Variants in EPB41L5 observed in about 807,000 individuals in gnomAD.
The protein encoded by EPB41L5 is band 4.1-like protein 5.
Under a neutral mutation model 106.6 loss-of-function variants are expected in EPB41L5, and 55 were observed. That is an observed-to-expected ratio of 0.52 (90% CI 0.42 to 0.65). The LOEUF is 0.65. Ranked by LOEUF, EPB41L5 falls within the 30% of genes least tolerant of loss-of-function variation. The pLI, the probability that EPB41L5 is intolerant of heterozygous loss-of-function variation, is 0.00. For synonymous variants in EPB41L5, 297 were observed against 306.7 expected, an observed-to-expected ratio of 0.97 and a Z score of 0.33; for missense variants, 871 against 882.1, an observed-to-expected ratio of 0.99 and a Z score of 0.16.
intron 10 of EPB41L5, among the ~76,000 whole-genome samples, chr2:120,086,889 A>G (rs1292061176): frequency 6.6e-6 from 1 of 152,186 alleles, no homozygotes; most frequent in Non-Finnish European, 1.5e-5. Flanking sequence ...AGAATCTCTT[A>G]CACCATAATC....
intron 16 of EPB41L5, among the ~76,000 whole-genome samples, chr2:120,112,315 T>C (rs1056328484): frequency 1.3e-5 from 2 of 152,224 alleles, no homozygotes; most frequent in Non-Finnish European, 2.9e-5. Context: ...TTCAACAGAA[T>C]GTACGCTCCG....
At chr2:120,071,497 C>A (rs1014251019) in intron 3 of EPB41L5, among the ~76,000 whole-genome samples, 1 of 152,144 alleles carries the variant, frequency 6.6e-6, no homozygotes, top group Non-Finnish European at 1.5e-5. Flanking sequence ...AAGAACGAAG[C>A]CGGAGGCATC....
intron 3 of EPB41L5, among the ~76,000 whole-genome samples, chr2:120,052,569 T>C (rs907447927): frequency 6.6e-6 from 1 of 152,240 alleles, no homozygotes; most frequent in African/African-American, 2.4e-5. Flanking sequence ...TTCAATGGGT[T>C]ATATCTGTTA....
chr2:120,093,704 T>C lies in EPB41L5; in HGVS notation c.1178+428T>C, dbSNP rs971609685. Reference sequence around the variant, plus strand: ...GGATTTCATTAGCCTGGTATGTTTTTGGATTTGTGTGTCTATTCATCAGAA... The same window carrying C: ...GGATTTCATTAGCCTGGTATGTTTTCGGATTTGTGTGTCTATTCATCAGAA... On this transcript the variant is annotated intron_variant, in intron 14 of 24. Coordinates refer to ENST00000263713, the MANE Select transcript of EPB41L5 (RefSeq NM_020909.4). Among the ~76,000 whole-genome samples, 7 of 152,218 alleles carry C rather than the reference T, an allele frequency of 4.6e-5. No homozygotes were observed. The South Asian group carries it at 1.4e-3, about 31-fold the overall frequency.
chr2:120,070,624 G>A (rs1173818837), intron 3 of EPB41L5, among the ~76,000 whole-genome samples: 2 of 152,122 alleles, frequency 1.3e-5, no homozygotes, highest in Non-Finnish European at 2.9e-5. Context: ...CGGCACATCA[G>A]AAAGCTCATC....
intron 10 of EPB41L5, among the ~76,000 whole-genome samples, chr2:120,085,969 G>A (rs1683027133): frequency 6.6e-6 from 1 of 152,188 alleles, no homozygotes; most frequent in African/African-American, 2.4e-5. Flanking sequence ...CACCAAGGCA[G>A]GGGCTCACCT....
chr2:120,114,938 C>G (rs957522800), intron 16 of EPB41L5, among the ~76,000 whole-genome samples: 7 of 152,088 alleles, frequency 4.6e-5, no homozygotes, highest in African/African-American at 1.7e-4. Context: ...TGTTTGGGTA[C>G]TCTGGTTTTA....
chr2:120,128,499 T>G (rs1159449943), intron 17 of EPB41L5, among the ~76,000 whole-genome samples: 1 of 152,214 alleles, frequency 6.6e-6, no homozygotes, highest in Non-Finnish European at 1.5e-5. Flanking sequence ...GCCACCATCA[T>G]TAAACAACTC....
intron 1 of EPB41L5, among the ~76,000 whole-genome samples, chr2:120,018,165 C>T (rs982394403): frequency 3.3e-5 from 5 of 151,772 alleles, no homozygotes; most frequent in African/African-American, 1.2e-4. Flanking sequence ...GACGGGGTTT[C>T]ACCATGTTAG....
At chr2:120,076,470 C>CT (rs35333671) in intron 7 of EPB41L5, among the ~76,000 whole-genome samples, 31,648 of 58,764 alleles carry the variant, frequency 0.54, 11,572 homozygotes, top group Non-Finnish European at 0.61. Context: ...AATTTTTGTA[C>CT]TTTTTTTTTT....
At chr2:120,148,128 A>G (rs776388007) in intron 20 of EPB41L5, among the ~76,000 whole-genome samples, 1 of 152,192 alleles carries the variant, frequency 6.6e-6, no homozygotes, top group Admixed American at 6.5e-5. Flanking sequence ...ACATTTTACC[A>G]TAATAGATTT....
At chr2:120,124,875 T>A (rs1685390093) in intron 16 of EPB41L5, among the ~76,000 whole-genome samples, 1 of 152,206 alleles carries the variant, frequency 6.6e-6, no homozygotes, top group African/African-American at 2.4e-5. Context: ...TTTTTCGTGA[T>A]GAGATTGAGG....
At position 120,061,508 on chromosome 2, in the gene EPB41L5, C is replaced by T. The variant is rs193281167; in HGVS notation, c.286-11670C>T. Among the ~76,000 whole-genome samples, 361 of 152,180 alleles carry T rather than the reference C, an allele frequency of 2.4e-3. 4 individuals are homozygous for T. Among genetic ancestry groups the T allele is most frequent in the African/African-American group, 8.2e-3 (340 of 41,530 alleles). On this transcript the variant is annotated intron_variant, in intron 3 of 24. Coordinates refer to ENST00000263713, the MANE Select transcript of EPB41L5 (RefSeq NM_020909.4). The stretch of plus-strand genomic sequence containing the variant: ...AAAGTGCTGGGATTACAGGCGTGAG[C>T]CACCGCGCCCGGCCTTTTTTTTTAA...
At chr2:120,021,025 T>C (rs1185729868) in intron 2 of EPB41L5, among the ~76,000 whole-genome samples, 1 of 152,104 alleles carries the variant, frequency 6.6e-6, no homozygotes, top group Non-Finnish European at 1.5e-5. Flanking sequence ...GCTGGAGATA[T>C]AGATTGGACT....
At chr2:120,018,686 G>T (rs1167463422) in intron 1 of EPB41L5, among the ~76,000 whole-genome samples, 27 of 150,832 alleles carry the variant, frequency 1.8e-4, no homozygotes, top group Non-Finnish European at 2.5e-4. Context: ...TTGCTCTGTT[G>T]CCTGAGCTGG....
intron 18 of EPB41L5, 37 bp from the exon 19 acceptor site, chr2:120,142,966 A>G (rs368082337): frequency 1.2e-4 from 184 of 1,573,212 alleles, no homozygotes; most frequent in Non-Finnish European, 1.5e-4. Flanking sequence ...ACTATAGTGC[A>G]TCAGAGTTGA....
intron 16 of EPB41L5, among the ~76,000 whole-genome samples, chr2:120,111,939 G>T (rs1050475656): frequency 6.6e-6 from 1 of 152,078 alleles, no homozygotes; most frequent in Non-Finnish European, 1.5e-5. Context: ...TACCAAGCAT[G>T]TTCTCTCAGG....
At chr2:120,102,637 G>A (rs912252312) in intron 16 of EPB41L5, among the ~76,000 whole-genome samples, 24 of 152,098 alleles carry the variant, frequency 1.6e-4, no homozygotes, top group Admixed American at 1.3e-3. Flanking sequence ...TGAACAATTG[G>A]GCAGAATAAT....
chr2:120,101,969 C>T (rs1684169069), intron 16 of EPB41L5, among the ~76,000 whole-genome samples: 1 of 152,064 alleles, frequency 6.6e-6, no homozygotes, highest in South Asian at 2.1e-4. Flanking sequence ...TTATAAATGT[C>T]AAATTTATTT....
Sources: gnomAD v4.1 joint callset for allele counts (sites outside exome capture counted in the v4.1 genomes callset) on GRCh38, gnomAD v4.1.1 for gene constraint, MANE v1.5 for transcripts, NCBI Gene and HGNC (gene_info 2026-07-23, HGNC 2026-07-21) for gene names.